CNST: variants seen among roughly 807,000 people sequenced by gnomAD.
CNST encodes consortin, connexin sorting protein, also known as consortin.
A neutral mutation model predicts 72.4 loss-of-function variants in CNST; 39 were observed. The observed-to-expected ratio is 0.54, with a 90% confidence interval of 0.42 to 0.70. The LOEUF (loss-of-function observed/expected upper bound fraction) is 0.70, where lower values mean the gene tolerates loss of function less well. CNST is among the 30% of genes least tolerant of loss of function. CNST has a pLI of 0.00. For synonymous variants in CNST, 332 were observed against 320.1 expected, an observed-to-expected ratio of 1.04 and a Z score of -0.40; for missense variants, 871 against 868.5, an observed-to-expected ratio of 1.00 and a Z score of -0.04.
chr1:246,577,101 G>A (rs1319779052), intron 1 of CNST, among the ~76,000 whole-genome samples: 2 of 152,036 alleles, frequency 1.3e-5, no homozygotes, highest in Admixed American at 1.3e-4. Flanking sequence ...CTGTTTTGAA[G>A]ATTACTAAGA....
chr1:246,587,258 C>T (rs561633057), intron 1 of CNST, among the ~76,000 whole-genome samples: 2 of 152,250 alleles, frequency 1.3e-5, no homozygotes, highest in African/African-American at 2.4e-5. Context: ...CCACTGTGCC[C>T]GACTAGTCTC....
At chr1:246,618,517 G>A (rs996903811) in intron 2 of CNST, among the ~76,000 whole-genome samples, 2 of 151,930 alleles carry the variant, frequency 1.3e-5, no homozygotes, top group Non-Finnish European at 2.9e-5. Flanking sequence ...CAGTGATTTA[G>A]TGTGACCCCT....
chr1:246,640,074 T>G (rs74496913), intron 6 of CNST, among the ~76,000 whole-genome samples: 2,099 of 152,338 alleles, frequency 0.014, 24 homozygotes, highest in Non-Finnish European at 0.023. Context: ...CCCCCCAAGC[T>G]TTCAGGCCCC....
chr1:246,652,805 C>A (rs548648432), intron 9 of CNST, among the ~76,000 whole-genome samples: 1 of 151,072 alleles, frequency 6.6e-6, no homozygotes, highest in African/African-American at 2.4e-5. Flanking sequence ...GAGATCGAGA[C>A]CATCCTGGCT....
At chr1:246,594,036 G>A (rs1280600565) in intron 2 of CNST, among the ~76,000 whole-genome samples, 1 of 152,194 alleles carries the variant, frequency 6.6e-6, no homozygotes, top group East Asian at 1.9e-4. Context: ...CTCCCAAAGT[G>A]TTGGGATTAC....
chr1:246,663,498 T>G (rs1667226694), intron 10 of CNST, among the ~76,000 whole-genome samples: 1 of 152,100 alleles, frequency 6.6e-6, no homozygotes, highest in African/African-American at 2.4e-5. Flanking sequence ...CCCAGCACTT[T>G]GGGAGGCCAA....
At chr1:246,635,156 A>C (rs1407203789) in intron 6 of CNST, among the ~76,000 whole-genome samples, 1 of 152,100 alleles carries the variant, frequency 6.6e-6, no homozygotes, top group African/African-American at 2.4e-5. Flanking sequence ...AAAAGGGGCA[A>C]CTTTCTCCAT....
chr1:246,597,428 T>G (rs1214819158), intron 2 of CNST, among the ~76,000 whole-genome samples: 1 of 152,168 alleles, frequency 6.6e-6, no homozygotes, highest in African/African-American at 2.4e-5. Context: ...CCATAAAGTT[T>G]GTATATTTGT....
intron 1 of CNST, among the ~76,000 whole-genome samples, chr1:246,586,919 T>C (rs1661236933): frequency 6.6e-6 from 1 of 152,162 alleles, no homozygotes; most frequent in South Asian, 2.1e-4. Flanking sequence ...AAAATGATTA[T>C]AGTGGTTAAG....
At chr1:246,601,654 C>T (rs1662298247) in intron 2 of CNST, among the ~76,000 whole-genome samples, 1 of 152,028 alleles carries the variant, frequency 6.6e-6, no homozygotes, top group African/African-American at 2.4e-5. Flanking sequence ...ATTAGCTGGG[C>T]GTGGTGGCAC....
chr1:246,575,583 GA>G (rs972561652), intron 1 of CNST, among the ~76,000 whole-genome samples: 2 of 152,192 alleles, frequency 1.3e-5, no homozygotes, highest in Non-Finnish European at 2.9e-5. Flanking sequence ...GGGTGCAGGA[GA>G]ATGGGAAATC....
Position 246,584,516 on chromosome 1 carries a change from G to A in CNST, c.-51-6996G>A, listed in dbSNP as rs576777344. On this transcript the variant is annotated intron_variant, in intron 1 of 10. Coordinates refer to ENST00000366513, the MANE Select transcript of CNST (RefSeq NM_152609.3). ...CCATTATGATGAAAAAAATTCCAGCGTAGGTATCAGTCTTATTGATACTTT... is the reference window on the plus strand; with the variant it reads ...CCATTATGATGAAAAAAATTCCAGCATAGGTATCAGTCTTATTGATACTTT... 1.2e-3 allele frequency among the ~76,000 whole-genome samples: 175 copies of A among 152,168 alleles called. 1 individual carries two copies. Among genetic ancestry groups the A allele is most frequent in the Non-Finnish European group, 1.8e-3 (125 of 68,016 alleles).
At chr1:246,653,894 G>GT (rs1245437577) in intron 9 of CNST, among the ~76,000 whole-genome samples, 1 of 152,150 alleles carries the variant, frequency 6.6e-6, no homozygotes, top group Non-Finnish European at 1.5e-5. Context: ...AGCCAGTCAG[G>GT]TATTAGAAGT....
At position 246,591,778 on chromosome 1, in the gene CNST, T is replaced by C. The variant is rs951531418; in HGVS notation, c.216T>C (p.Asn72=). The change falls in exon 2 of 11, where the codon AAT becomes AAC. Residue 72 remains asparagine, a synonymous_variant. Coordinates refer to ENST00000366513, the MANE Select transcript of CNST (RefSeq NM_152609.3). ...QVSEQDSLNN[N]ESCTLSCEVA... ...CTGAGCAGGACAGTCTCAATAATAA[T>C]GAAAGCTGCACATTGAGCTGCGAGG... 1.9e-6 allele frequency: 3 copies of C among 1,614,004 alleles called. No homozygotes were observed. The Admixed American group carries it at 5.0e-5, about 27-fold the overall frequency.
intron 8 of CNST, among the ~76,000 whole-genome samples, chr1:246,643,073 T>C (rs934860263): frequency 1.3e-5 from 2 of 151,080 alleles, no homozygotes; most frequent in Non-Finnish European, 2.9e-5. Context: ...AAAATTTTTG[T>C]GGGTATGGAG....
At chr1:246,624,862 C>T (rs558001983) in intron 3 of CNST, among the ~76,000 whole-genome samples, 1 of 152,162 alleles carries the variant, frequency 6.6e-6, no homozygotes, top group Non-Finnish European at 1.5e-5. Flanking sequence ...CCATGTTGCC[C>T]GGGCTGGTCT....
chr1:246,623,077 C>A (rs1418994478), intron 3 of CNST, among the ~76,000 whole-genome samples: 1 of 152,204 alleles, frequency 6.6e-6, no homozygotes, highest in Non-Finnish European at 1.5e-5. Flanking sequence ...CCCGCCTCGG[C>A]CTTCCAAAGT....
intron 3 of CNST, among the ~76,000 whole-genome samples, chr1:246,622,465 G>A (rs538574488): frequency 3.3e-5 from 5 of 152,316 alleles, no homozygotes; most frequent in South Asian, 2.1e-4. Flanking sequence ...CTTATTAGGC[G>A]CTCAGTGGGT....
intron 10 of CNST, among the ~76,000 whole-genome samples, chr1:246,663,183 C>T (rs2103173649): frequency 6.6e-6 from 1 of 151,030 alleles, no homozygotes; most frequent in South Asian, 2.1e-4. Context: ...GGCAAGACCC[C>T]ATCTCTACAA....
Sources: gnomAD v4.1 joint callset for allele counts (sites outside exome capture counted in the v4.1 genomes callset) on GRCh38, gnomAD v4.1.1 for gene constraint, MANE v1.5 for transcripts, NCBI Gene and HGNC (gene_info 2026-07-23, HGNC 2026-07-21) for gene names.